MAGI2: variants seen among roughly 807,000 people sequenced by gnomAD.
The protein encoded by MAGI2 is membrane-associated guanylate kinase, WW and PDZ domain-containing protein 2.
Under a neutral mutation model 133.3 loss-of-function variants are expected in MAGI2, and 35 were observed. The ratio of observed to expected loss-of-function variants is 0.26; its 90% confidence interval spans 0.20 to 0.35. The LOEUF is 0.35. Among genes scored for constraint, MAGI2 ranks in the 10% least tolerant of loss-of-function variants. The pLI, the probability that MAGI2 is intolerant of heterozygous loss-of-function variation, is 1.00. For missense variants in MAGI2, 1,636 were observed against 1,863.4 expected, an observed-to-expected ratio of 0.88 and a Z score of 2.25; for synonymous variants, 729 against 710.6, an observed-to-expected ratio of 1.03 and a Z score of -0.41.
chr7:78,353,284 G>C (rs962480698), intron 7 of MAGI2, among the ~76,000 whole-genome samples: 2 of 152,252 alleles, frequency 1.3e-5, no homozygotes. Context: ...ATCTGACTAA[G>C]TAGTTTAAGT....
intron 1 of MAGI2, among the ~76,000 whole-genome samples, chr7:79,142,956 C>T (rs566972937): frequency 6.6e-5 from 10 of 152,362 alleles, no homozygotes; most frequent in African/African-American, 2.4e-4. Flanking sequence ...CTACTATCAG[C>T]TGCATTTCCA....
intron 1 of MAGI2, among the ~76,000 whole-genome samples, chr7:79,423,748 G>T (rs1446185419): frequency 2.6e-5 from 4 of 151,988 alleles, no homozygotes; most frequent in Admixed American, 2.6e-4. Context: ...ACCAATCTTG[G>T]AGTCTGTCCT....
intron 10 of MAGI2, among the ~76,000 whole-genome samples, chr7:78,216,494 C>T (rs117600094): frequency 1.3e-5 from 2 of 152,206 alleles, no homozygotes; most frequent in Non-Finnish European, 2.9e-5. Context: ...TGTTCCCCAT[C>T]CGTTTTTCTA....
intron 9 of MAGI2, among the ~76,000 whole-genome samples, chr7:78,300,895 T>C (rs1797763641): frequency 6.6e-6 from 1 of 152,190 alleles, no homozygotes; most frequent in Non-Finnish European, 1.5e-5. Context: ...TGATCTCAAT[T>C]GGGAGGCGTG....
chr7:78,667,963 T>C (rs183577546), intron 2 of MAGI2, among the ~76,000 whole-genome samples: 2,200 of 152,006 alleles, frequency 0.014, 62 homozygotes, highest in African/African-American at 0.05. Context: ...GAGGAATCGC[T>C]ACACTGACTT....
intron 2 of MAGI2, among the ~76,000 whole-genome samples, chr7:78,951,593 A>AC (rs995780437): frequency 2.0e-5 from 3 of 152,164 alleles, no homozygotes; most frequent in Non-Finnish European, 4.4e-5. Context: ...GATTATGGGA[A>AC]CTGCAAGTCA....
chr7:78,066,419 A>T (rs867873781), intron 21 of MAGI2, among the ~76,000 whole-genome samples: 1 of 151,590 alleles, frequency 6.6e-6, no homozygotes, highest in Non-Finnish European at 1.5e-5. Flanking sequence ...CCGACATAGC[A>T]CCACTGCACT....
At chr7:78,497,978 A>T (rs1794278138) in intron 5 of MAGI2, among the ~76,000 whole-genome samples, 1 of 151,798 alleles carries the variant, frequency 6.6e-6, no homozygotes, top group Admixed American at 6.6e-5. Flanking sequence ...TCCCTCACAA[A>T]TCTCTCTCAT....
In MAGI2 at chr7:78,489,797, T is replaced by C; in HGVS notation, c.1009A>G (p.Lys337Glu). 1.2e-6 allele frequency: 2 copies of C among 1,613,050 alleles called. No homozygotes were observed. Among genetic ancestry groups the C allele is most frequent in the East Asian group, 4.5e-5 (2 of 44,840 alleles). ...TTSWLDPRLA[K>E]KAKPPEECKE... Reference sequence around the variant, plus strand: ...CACTCTTCTGGAGGTTTAGCCTTTTTCGCAAGTCGTGGATCCAGCCATGAT... The same window carrying C: ...CACTCTTCTGGAGGTTTAGCCTTTTCCGCAAGTCGTGGATCCAGCCATGAT... Residue 337 changes from lysine (K) to glutamate (E), a missense_variant, in exon 6 of 22, where the codon AAA (lysine) becomes GAA (glutamate). Coordinates refer to ENST00000354212, the MANE Select transcript of MAGI2 (RefSeq NM_012301.4).
intron 2 of MAGI2, among the ~76,000 whole-genome samples, chr7:78,726,921 T>G (rs533683617): frequency 1.2e-3 from 171 of 147,516 alleles, no homozygotes; most frequent in Non-Finnish European, 2.1e-3. Flanking sequence ...ATGCATGGGT[T>G]TTTTTTTTTT....
rs528563002 is a variant in MAGI2 at position 78,084,305 on chromosome 7, T to C, written c.3568-5220A>G. Among the ~76,000 whole-genome samples, 17 of 152,328 alleles carry C rather than the reference T, an allele frequency of 1.1e-4. No individual in the cohort carries two copies. In the South Asian group the frequency reaches 3.5e-3, roughly 32 times the overall value. ...TAATGCCATCATCGTTCCTCCCTTA[T>C]AGGCTGGTTTCTCCCACTGACACTA... On this transcript the variant is annotated intron_variant, in intron 20 of 21. Coordinates refer to ENST00000354212, the MANE Select transcript of MAGI2 (RefSeq NM_012301.4).
chr7:79,028,216 AATATATATATATATGTATG>A (rs1562804707), intron 1 of MAGI2, among the ~76,000 whole-genome samples: 30 of 114,718 alleles, frequency 2.6e-4, no homozygotes, highest in African/African-American at 8.3e-4. Flanking sequence ...ATCTCAAAAA[AATATATATATATATGTATG>A]TATATATATA....
At chr7:78,242,699 A>G (rs1026357378) in intron 10 of MAGI2, among the ~76,000 whole-genome samples, 5 of 152,150 alleles carry the variant, frequency 3.3e-5, no homozygotes, top group Non-Finnish European at 5.9e-5. Flanking sequence ...AGTGATAGCT[A>G]TTCTCTTTCA....
In MAGI2 at chr7:79,170,137, C is replaced by CTTTTTTTTTTTTTTT. The variant is rs10539344; in HGVS notation, c.302-162946_302-162932dup. 2.8e-4 allele frequency among the ~76,000 whole-genome samples: 12 copies of CTTTTTTTTTTTTTTT among 42,950 alleles called. 2 individuals carry two copies. Among genetic ancestry groups the CTTTTTTTTTTTTTTT allele is most frequent in the East Asian group, 9.3e-4 (1 of 1,078 alleles). 28.2% of individuals were successfully genotyped at this position (42,950 alleles called of 152,430 possible). A position where few individuals can be genotyped will look rare whatever the true frequency, so the allele number is the denominator to read the frequency against. On this transcript the variant is annotated intron_variant, in intron 1 of 21. Transcript: ENST00000354212. ...TCAATGGTTACTTTGAGATATTATA[C>CTTTTTTTTTTTTTTT]TTTTTTTTTTTTTTTTTTTTTTTTT...
chr7:78,666,418 G>A (rs946853478), intron 2 of MAGI2, among the ~76,000 whole-genome samples: 1 of 152,078 alleles, frequency 6.6e-6, no homozygotes, highest in Non-Finnish European at 1.5e-5. Context: ...GGCTTGTTTG[G>A]GGGTTTTTCT....
intron 2 of MAGI2, among the ~76,000 whole-genome samples, chr7:78,983,463 T>C (rs868605312): frequency 1.3e-5 from 2 of 151,942 alleles, no homozygotes; most frequent in African/African-American, 4.8e-5. Context: ...ATGTTCTCTT[T>C]GGGGATATTA....
At chr7:79,402,483 T>C (rs1845535623) in intron 1 of MAGI2, among the ~76,000 whole-genome samples, 1 of 152,118 alleles carries the variant, frequency 6.6e-6, no homozygotes, top group African/African-American at 2.4e-5. Context: ...AATATTACTT[T>C]CCATAGTTTA....
intron 1 of MAGI2, chr7:79,030,359 A>T (rs1026471637): frequency 6.6e-6 from 1 of 152,180 alleles, no homozygotes; most frequent in African/African-American, 2.4e-5. Flanking sequence ...CAAACAAACA[A>T]TTTTGCCAAG....
chr7:79,134,619 A>T (rs572388601), intron 1 of MAGI2, among the ~76,000 whole-genome samples: 69 of 152,288 alleles, frequency 4.5e-4, no homozygotes, highest in Non-Finnish European at 9.0e-4. Flanking sequence ...TTTCCCTTCC[A>T]ATTATTTTAA....
Sources: gnomAD v4.1 joint callset for allele counts (sites outside exome capture counted in the v4.1 genomes callset) on GRCh38, gnomAD v4.1.1 for gene constraint, MANE v1.5 for transcripts, NCBI Gene and HGNC (gene_info 2026-07-23, HGNC 2026-07-21) for gene names.